The following GALNT1 variants were observed in gnomAD, a reference collection of about 807,000 sequenced individuals.
GALNT1 encodes GalNAc transferase 1.
In GALNT1, 17 loss-of-function variants were observed where a neutral mutation model predicts 65.7. The observed-to-expected ratio is 0.26, with a 90% CI of 0.18 to 0.39. The LOEUF is 0.39. Ranked by LOEUF, GALNT1 falls within the 10% of genes least tolerant of loss-of-function variation. GALNT1 has a pLI of 1.00. For missense variants in GALNT1, 460 were observed against 672.8 expected, an observed-to-expected ratio of 0.68 and a Z score of 3.50; for synonymous variants, 210 against 219.7, an observed-to-expected ratio of 0.96 and a Z score of 0.39.
At chr18:35,681,519 C>T (rs1021179809) in intron 4 of GALNT1, among the ~76,000 whole-genome samples, 2 of 151,620 alleles carry the variant, frequency 1.3e-5, no homozygotes, top group African/African-American at 4.9e-5. Context: ...ATAAACAAGA[C>T]AGTATAGCTT....
intron 1 of GALNT1, among the ~76,000 whole-genome samples, chr18:35,611,012 T>C (rs961239632): frequency 4.6e-5 from 7 of 151,470 alleles, no homozygotes; most frequent in Middle Eastern, 3.4e-3. Context: ...GTCTTGACCT[T>C]GCAGACCCCT....
At chr18:35,604,051 A>G (rs2046614950) in intron 1 of GALNT1, among the ~76,000 whole-genome samples, 4 of 152,012 alleles carry the variant, frequency 2.6e-5, no homozygotes, top group Admixed American at 1.3e-4. Flanking sequence ...TACTTGATAG[A>G]TAGTTTTTCG....
intron 2 of GALNT1, among the ~76,000 whole-genome samples, chr18:35,661,511 T>TAAA (rs1491309462): frequency 7.4e-6 from 1 of 135,764 alleles, no homozygotes; most frequent in Admixed American, 7.2e-5. Flanking sequence ...AAAAAAAAAA[T>TAAA]CAAAAAAAAA....
rs2047730685 is a variant in GALNT1, at chr18:35,677,718, A to G, written c.442A>G (p.Ile148Val). 1.9e-6 allele frequency: 3 copies of G among 1,611,368 alleles called. No individual in the cohort carries two copies. The South Asian group carries it at 3.3e-5, about 18-fold the overall frequency. Residue 148 changes from isoleucine to valine, a missense_variant, in exon 4 of 12, where the codon ATA (isoleucine) becomes GTA (valine). Physicochemically the swap from Ile to Val is conservative, Grantham distance 29. Transcript: ENST00000269195. ...SVINRSPRHM[I>V]EEIVLVDDAS... ...CATTAATCGCTCACCAAGACACATG[A>G]TAGAAGAAATTGTTCTAGTAGATGA... is the stretch of plus-strand genomic sequence containing the variant.
chr18:35,695,646 TTC>T (rs1435998408), intron 9 of GALNT1, among the ~76,000 whole-genome samples: 4 of 152,176 alleles, frequency 2.6e-5, no homozygotes, highest in African/African-American at 9.7e-5. Context: ...CTAAGGCTAC[TTC>T]AGGATTGACT....
chr18:35,584,339 T>C (rs905210135), intron 1 of GALNT1, among the ~76,000 whole-genome samples: 2 of 152,170 alleles, frequency 1.3e-5, no homozygotes, highest in Non-Finnish European at 2.9e-5. Flanking sequence ...TCCTAATTGG[T>C]TGAGATGCAG....
intron 1 of GALNT1, among the ~76,000 whole-genome samples, chr18:35,615,649 T>C (rs1247991266): frequency 6.6e-6 from 1 of 152,166 alleles, no homozygotes; most frequent in Non-Finnish European, 1.5e-5. Context: ...ATATTTTGCA[T>C]ACAAAGGATA....
intron 11 of GALNT1, 77 bp downstream of exon 11, chr18:35,703,720 A>G (rs148613857): frequency 7.9e-4 from 1,128 of 1,430,740 alleles, no homozygotes; most frequent in Middle Eastern, 2.5e-3. Context: ...ATCTAAAGGA[A>G]TGAGTTCTTG....
intron 1 of GALNT1, among the ~76,000 whole-genome samples, chr18:35,592,906 T>C (rs779073838): frequency 6.6e-6 from 1 of 152,190 alleles, no homozygotes; most frequent in Non-Finnish European, 1.5e-5. Flanking sequence ...GAATCCCTTA[T>C]GTAGGGATAA....
chr18:35,662,082 G>A (rs1260934809), intron 2 of GALNT1, among the ~76,000 whole-genome samples: 3 of 152,162 alleles, frequency 2.0e-5, no homozygotes, highest in Non-Finnish European at 2.9e-5. Flanking sequence ...CTGGCAAGTA[G>A]AAATGACTAT....
At chr18:35,665,197 G>T (rs2047532475) in intron 3 of GALNT1, among the ~76,000 whole-genome samples, 1 of 151,936 alleles carries the variant, frequency 6.6e-6, no homozygotes, top group Non-Finnish European at 1.5e-5. Context: ...AAACTATTAA[G>T]GTAGAACACA....
At position 35,624,188 on chromosome 18, in the gene GALNT1, T is replaced by C. The variant is rs113159188; in HGVS notation, c.-103-30372T>C. ...TGATTCAAGGTTCAACTAAAGATGG[T>C]GGTGAAGTTTACATAGATATTTTAG... is the stretch of plus-strand genomic sequence containing the variant. On this transcript the variant is annotated intron_variant, in intron 1 of 11. Transcript: ENST00000269195. Among the ~76,000 whole-genome samples the C allele has an allele frequency of 6.4e-3, 970 of 152,330 alleles. 19 individuals carry two copies. The highest frequency in any genetic ancestry group is 0.022 in the African/African-American group (920 of 41,578).
chr18:35,596,222 T>C (rs962612428), intron 1 of GALNT1: 1 of 152,228 alleles, frequency 6.6e-6, no homozygotes, highest in African/African-American at 2.4e-5. Flanking sequence ...ATGGGAGCTC[T>C]GACTGTAGCT....
At chr18:35,608,685 A>G (rs2046680551) in intron 1 of GALNT1, among the ~76,000 whole-genome samples, 1 of 152,078 alleles carries the variant, frequency 6.6e-6, no homozygotes, top group Admixed American at 6.6e-5. Flanking sequence ...CTTTTCCCTC[A>G]AGGAGCTCAC....
intron 11 of GALNT1, among the ~76,000 whole-genome samples, chr18:35,708,834 A>G (rs557390052): frequency 6.6e-6 from 1 of 152,362 alleles, no homozygotes; most frequent in South Asian, 2.1e-4. Flanking sequence ...TTTATTAAGA[A>G]TCTCTTTTGT....
intron 1 of GALNT1, among the ~76,000 whole-genome samples, chr18:35,611,229 G>A (rs949908724): frequency 5.3e-5 from 8 of 152,132 alleles, no homozygotes; most frequent in South Asian, 2.1e-4. Flanking sequence ...ATACGGATTC[G>A]GGAGCAGGGG....
At chr18:35,667,665 T>G (rs998297788) in intron 3 of GALNT1, among the ~76,000 whole-genome samples, 6 of 152,118 alleles carry the variant, frequency 3.9e-5, no homozygotes, top group African/African-American at 7.2e-5. Context: ...CCTTCTCTGT[T>G]TTTTTTCCTT....
chr18:35,673,263 A>G lies in GALNT1; in HGVS notation c.315-4328A>G, dbSNP rs545362686. Among the ~76,000 whole-genome samples the G allele has an allele frequency of 9.2e-5, 14 of 152,374 alleles. No homozygotes were observed. The South Asian group carries it at 2.7e-3, about 29-fold the overall frequency. ...GAGGAGAGCATTGGATTATACATGCATAGTCACCTTGATGTGGAAATTTCT... is the reference window on the plus strand; with the variant it reads ...GAGGAGAGCATTGGATTATACATGCGTAGTCACCTTGATGTGGAAATTTCT... On this transcript the variant is annotated intron_variant, in intron 3 of 11. Transcript: ENST00000269195.
chr18:35,634,708 G>A (rs541450434), intron 1 of GALNT1, among the ~76,000 whole-genome samples: 12 of 152,268 alleles, frequency 7.9e-5, no homozygotes, highest in Admixed American at 6.5e-4. Context: ...CCAGATTCCC[G>A]GAAGGAAAGC....
Sources: allele counts gnomAD v4.1 joint callset (sites outside exome capture counted in the v4.1 genomes callset), GRCh38; gene constraint gnomAD v4.1.1; transcripts MANE v1.5; gene names NCBI Gene and HGNC (gene_info 2026-07-23, HGNC 2026-07-21).